The following HMCN2 variants were observed in gnomAD, a reference collection of about 807,000 sequenced individuals.
HMCN2 encodes hemicentin 2.
A neutral mutation model predicts 377.5 loss-of-function variants in HMCN2; 325 were observed. The ratio of observed to expected loss-of-function variants is 0.86; its 90% CI spans 0.79 to 0.94. HMCN2 has a LOEUF of 0.94. Among genes scored for constraint, HMCN2 ranks in the 40% least tolerant of loss-of-function variants. The pLI, the probability that HMCN2 is intolerant of heterozygous loss-of-function variation, is 0.00. For missense variants in HMCN2, 4,543 were observed against 4,725.3 expected, an observed-to-expected ratio of 0.96 and a Z score of 1.13; for synonymous variants, 2,007 against 2,046.8, an observed-to-expected ratio of 0.98 and a Z score of 0.53.
chr9:130,300,751 G>A (rs782644865), intron 8 of HMCN2, among the ~76,000 whole-genome samples: 27 of 152,322 alleles, frequency 1.8e-4, no homozygotes, highest in African/African-American at 4.8e-4. Context: ...GTTGGTTCCC[G>A]TATGTGTGGC....
In HMCN2 at chr9:130,403,895, C is replaced by T. The variant is rs1030550749; in HGVS notation, c.12148+20C>T. 2.4e-5 allele frequency: 31 copies of T among 1,283,336 alleles called. No homozygotes were observed. The highest frequency in any genetic ancestry group is 2.1e-4 in the Middle Eastern group (1 of 4,688). 79.5% of individuals were successfully genotyped at this position (1,283,336 alleles called of 1,614,324 possible). A position where few individuals can be genotyped will look rare whatever the true frequency, so the allele number is the denominator to read the frequency against. ...TGCAAGGTGGGAGTGAGGACGGGGC[C>T]GAGGTGGGCCCTGGCAACTGAGGGG... On this transcript the variant is annotated intron_variant, in intron 80 of 97. Transcript: ENST00000683500.
intron 16 of HMCN2, among the ~76,000 whole-genome samples, 176 bp downstream of exon 16, chr9:130,319,871 C>G (rs1163083997): frequency 6.6e-6 from 1 of 152,098 alleles, no homozygotes; most frequent in Non-Finnish European, 1.5e-5. Context: ...TTCCACTACT[C>G]TGACCCTGTT....
chr9:130,298,502 T>A (rs1216412399), intron 7 of HMCN2, among the ~76,000 whole-genome samples: 3 of 152,194 alleles, frequency 2.0e-5, no homozygotes, highest in Non-Finnish European at 2.9e-5. Flanking sequence ...CCAGCCTGGA[T>A]GACAGAAAAT....
intron 6 of HMCN2, 68 bp from the exon 7 acceptor site, chr9:130,296,606 A>C: frequency 2.2e-6 from 1 of 447,894 alleles, no homozygotes; most frequent in Non-Finnish European, 4.7e-6. Context: ...CAGGTTGGTC[A>C]CCTCCTGCCC....
At chr9:130,366,120 G>C in intron 43 of HMCN2, 125 bp downstream of exon 43, 1 of 721,882 alleles carries the variant, frequency 1.4e-6, no homozygotes, top group Non-Finnish European at 1.7e-6. Context: ...CCTCGAGGGG[G>C]TGGGGATGCT....
Position 130,430,513 on chromosome 9 carries a change from G to T in HMCN2, c.14556G>T (p.Trp4852Cys). Residue 4852 changes from tryptophan to cysteine, a missense_variant, in exon 95 of 98, where the codon TGG becomes TGT. Transcript: ENST00000683500. ...TCCCCGGTACCTCCTACCACGCCTG[G>T]GTCTCTCTCCGTCCGGGTCCCATGG... ...ASIPGTSYHAWVSLRPGPMAL... is the reference protein window; with the variant it reads ...ASIPGTSYHACVSLRPGPMAL... 6.4e-7 allele frequency: 1 copy of T among 1,550,584 alleles called. No homozygotes were observed. The highest frequency in any genetic ancestry group is 8.7e-7 in the Non-Finnish European group (1 of 1,146,964).
Position 130,424,924 on chromosome 9 carries a change from C to T in HMCN2, c.13519+11C>T. ...TGGAGTTTGCTACAGGTAAACAGGG[C>T]CTCCCCCAGGTGGGCCAGGTAGGAC... is the stretch of plus-strand genomic sequence containing the variant. On this transcript the variant is annotated intron_variant, in intron 88 of 97. Coordinates refer to ENST00000683500, the MANE Select transcript of HMCN2 (RefSeq NM_001291815.2). The T allele has an allele frequency of 2.7e-6, 4 of 1,462,844 alleles. No individual in the cohort carries two copies. Among genetic ancestry groups the T allele is most frequent in the Non-Finnish European group, 3.6e-6 (4 of 1,101,054 alleles). 90.6% of individuals were successfully genotyped at this position (1,462,844 alleles called of 1,614,324 possible). A position where few individuals can be genotyped will look rare whatever the true frequency, so the allele number is the denominator to read the frequency against.
intron 4 of HMCN2, among the ~76,000 whole-genome samples, chr9:130,293,574 T>A (rs928727749): frequency 6.6e-6 from 1 of 151,892 alleles, no homozygotes; most frequent in Admixed American, 6.6e-5. Flanking sequence ...GGAGGAGGTG[T>A]GAGCTGGGGA....
At chr9:130,269,218 A>G (rs1834278148) in intron 1 of HMCN2, among the ~76,000 whole-genome samples, 1 of 146,654 alleles carries the variant, frequency 6.8e-6, no homozygotes, top group African/African-American at 2.5e-5. Flanking sequence ...ATGTTCCCAG[A>G]GTAGAAAAGT....
intron 95 of HMCN2, 38 bp from the exon 96 acceptor site, chr9:130,431,329 C>A: frequency 1.9e-6 from 3 of 1,539,364 alleles, no homozygotes; most frequent in Non-Finnish European, 2.6e-6. Context: ...TCTCTCTGCC[C>A]CCATCCCCCA....
chr9:130,369,491 C>T lies in HMCN2; in HGVS notation c.6788-79C>T, dbSNP rs1840894663. 1.2e-6 allele frequency: 1 copy of T among 836,104 alleles called. No homozygotes were observed. Among genetic ancestry groups the T allele is most frequent in the Non-Finnish European group, 1.4e-6 (1 of 693,372 alleles). 51.8% of individuals were successfully genotyped at this position (836,104 alleles called of 1,614,324 possible). On this transcript the variant is annotated intron_variant, in intron 44 of 97. Coordinates refer to ENST00000683500, the MANE Select transcript of HMCN2 (RefSeq NM_001291815.2). The surrounding 1 kb of genome is among the most constrained non-coding windows in gnomAD (Gnocchi z 4.5). The stretch of plus-strand genomic sequence containing the variant: ...GATGGCAAGGGGAGAGGGTGTGTCC[C>T]TATTGGGCCCGGGGTAAGTGTGTGG...
chr9:130,413,867 T>A (rs1325073384), intron 85 of HMCN2, among the ~76,000 whole-genome samples: 1 of 151,774 alleles, frequency 6.6e-6, no homozygotes, highest in Non-Finnish European at 1.5e-5. Context: ...AACCCCTAAC[T>A]GGGTGTGGTG....
At chr9:130,381,068 T>C (rs1454796250) in intron 54 of HMCN2, among the ~76,000 whole-genome samples, 2 of 152,086 alleles carry the variant, frequency 1.3e-5, no homozygotes, top group Non-Finnish European at 2.9e-5. Flanking sequence ...ACCACTCACC[T>C]CTCACCCTGA....
At chr9:130,392,415 G>A (rs909762869) in intron 66 of HMCN2, among the ~76,000 whole-genome samples, 2 of 152,206 alleles carry the variant, frequency 1.3e-5, no homozygotes, top group African/African-American at 4.8e-5. Flanking sequence ...TGCTGTGCCT[G>A]TCACTGGGGA....
rs1840330479 is a variant in HMCN2 at position 130,360,643 on chromosome 9, A to T, written c.5950+39A>T. ...GGCCTACAAGGTCCCTTGTCCAAAA[A>T]GTTGTCTTTTCATTCATTTGTCTAT... is the stretch of plus-strand genomic sequence containing the variant. On this transcript the variant is annotated intron_variant, in intron 38 of 97. Coordinates refer to ENST00000683500, the MANE Select transcript of HMCN2 (RefSeq NM_001291815.2). This position sits in a 1 kb window ranked among gnomAD's most constrained non-coding sequence, Gnocchi z 4.7. The T allele has an allele frequency of 1.6e-6, 2 of 1,235,370 alleles. No homozygotes were observed. Among genetic ancestry groups the T allele is most frequent in the Non-Finnish European group, 2.1e-6 (2 of 946,254 alleles). The allele number at this position is 1,235,370 out of a possible 1,614,324, so 76.5% of individuals were successfully genotyped here. A position where few individuals can be genotyped will look rare whatever the true frequency, so the allele number is the denominator to read the frequency against.
intron 74 of HMCN2, among the ~76,000 whole-genome samples, chr9:130,397,901 A>C (rs575361889): frequency 6.6e-6 from 1 of 152,224 alleles, no homozygotes; most frequent in South Asian, 2.1e-4. Flanking sequence ...AGGTAAAACA[A>C]GTCTGAGAGG....
chr9:130,382,085 T>C (rs576559505), intron 54 of HMCN2, 99 bp from the exon 55 acceptor site: 781 of 318,630 alleles, frequency 2.5e-3, no homozygotes, highest in Non-Finnish European at 3.2e-3. Context: ...GCAGGGACAG[T>C]CACATGTCCC....
rs762069786 is a variant in HMCN2 at position 130,418,900 on chromosome 9, C to T, written c.13090C>T (p.Arg4364Trp). 37 of 1,549,190 alleles carry T rather than the reference C, an allele frequency of 2.4e-5. No individual in the cohort carries two copies. The highest frequency in any genetic ancestry group is 6.0e-5 in the South Asian group (5 of 83,894). The change falls in exon 86 of 98, where the codon CGG becomes TGG. Residue 4364 changes from arginine (R) to tryptophan (W), a missense_variant. Coordinates refer to ENST00000683500, the MANE Select transcript of HMCN2 (RefSeq NM_001291815.2). ...IEWLQAGQPL[R>W]ASRRLRTLPD... ...ATGGCTACAGGCGGGTCAACCCTTG[C>T]GGGCCAGCCGGCGGCTCCGGACCCT...
chr9:130,314,322 C>T (rs1772234029), intron 15 of HMCN2, among the ~76,000 whole-genome samples: 1 of 152,178 alleles, frequency 6.6e-6, no homozygotes, highest in Non-Finnish European at 1.5e-5. Flanking sequence ...GCAGAAGGCC[C>T]TGCACTTGTA....
Sources: gnomAD v4.1 joint callset for allele counts (sites outside exome capture counted in the v4.1 genomes callset) on GRCh38, gnomAD v4.1.1 for gene constraint, Gnocchi (gnomAD v3.1) non-coding constraint, MANE v1.5 for transcripts, NCBI Gene and HGNC (gene_info 2026-07-23, HGNC 2026-07-21) for gene names.